Variants in LMBR1L observed in about 807,000 individuals in gnomAD.
The protein encoded by LMBR1L is protein LMBR1L.
LMBR1L carries 47 observed loss-of-function variants against 67.3 expected under a neutral mutation model. That is an observed-to-expected ratio of 0.70 (90% CI 0.55 to 0.89). The LOEUF is 0.89. Among genes scored for constraint, LMBR1L ranks in the 40% least tolerant of loss-of-function variants. The pLI, the probability that LMBR1L is intolerant of heterozygous loss-of-function variation, is 0.00. For synonymous variants in LMBR1L, 247 were observed against 250.3 expected (o/e 0.99, Z 0.13); for missense variants, 533 against 599.2 (o/e 0.89, Z 1.15).
chr12:49,097,374 G>T lies in LMBR1L; in HGVS notation c.*298C>A. The T allele has an allele frequency of 4.9e-6, 2 of 410,986 alleles. No homozygotes were observed. The allele number at this position is 410,986 out of a possible 1,614,324, so 25.5% of individuals were successfully genotyped here. ...CATCAAATCATGTAAACATGGCTAT[G>T]GGGATGGCCCAGAACAGCAGTGAGG... On this transcript the variant is annotated 3_prime_UTR_variant, in exon 17 of 17. Coordinates refer to ENST00000267102, the MANE Select transcript of LMBR1L (RefSeq NM_018113.4).
At chr12:49,105,104 C>T (rs769455049) in intron 3 of LMBR1L, 5 of 543,556 alleles carry the variant, frequency 9.2e-6, no homozygotes, top group South Asian at 4.8e-5. Context: ...GGCACAGCCT[C>T]GGGCATTCAT....
At chr12:49,102,405 C>T in intron 9 of LMBR1L, 29 bp from the exon 10 acceptor site, 1 of 1,613,892 alleles carries the variant, frequency 6.2e-7, no homozygotes, top group Non-Finnish European at 8.5e-7. Flanking sequence ...GTGTTGCTCT[C>T]AAGTCCTGCA....
rs760216305 is a variant in LMBR1L at position 49,105,936 on chromosome 12, A to T, written c.179T>A (p.Val60Asp). ...CAGGGACACTTACGCAATCTTGTTG[A>T]CGGTGGCATCTTCATCATCCACTGT... ...FTTVDDEDAT[V>D]NKIALELCTF... is the part of the protein sequence containing the mutation. Residue 60 changes from valine to aspartate, a missense_variant, in exon 3 of 17, where the codon GTC becomes GAC. This residue lies in a region of LMBR1L where 246 missense variants were observed against 249.0 expected (regional missense o/e 0.99). Coordinates refer to ENST00000267102, the MANE Select transcript of LMBR1L (RefSeq NM_018113.4). 6.2e-7 allele frequency: 1 copy of T among 1,613,068 alleles called. No individual in the cohort carries two copies. The highest frequency in any genetic ancestry group is 8.5e-7 in the Non-Finnish European group (1 of 1,179,644).
intron 1 of LMBR1L, chr12:49,109,990 C>T (rs1000815726): frequency 6.6e-6 from 3 of 456,292 alleles, no homozygotes; most frequent in Admixed American, 4.7e-5. Context: ...CTCCTTTCTT[C>T]CAAAGCAGAT....
chr12:49,104,985 C>T lies in LMBR1L; in HGVS notation c.192-100G>A, dbSNP rs1270683485. 8 of 1,301,042 alleles carry T rather than the reference C, an allele frequency of 6.1e-6. No homozygotes were observed. In the African/African-American group the frequency reaches 8.8e-5, roughly 14 times the overall value. The allele number at this position is 1,301,042 out of a possible 1,614,324, so 80.6% of individuals were successfully genotyped here. Reference sequence around the variant, plus strand: ...CTGAGGGCGCCTGTGGCTTCCAGAACCAGCTGTAGCAATCACAGAGCTAAG... The same window carrying T: ...CTGAGGGCGCCTGTGGCTTCCAGAATCAGCTGTAGCAATCACAGAGCTAAG... On this transcript the variant is annotated intron_variant, in intron 3 of 16. Coordinates refer to ENST00000267102, the MANE Select transcript of LMBR1L (RefSeq NM_018113.4).
At position 49,110,192 on chromosome 12, in the gene LMBR1L, C is replaced by G. The variant is rs1473210713; in HGVS notation, c.72+292G>C. ...GCAGACTCCGCAGGCTCTCAGACCC[C>G]GGAGACCCCCAACAGGAAGACGCGC... On this transcript the variant is annotated intron_variant, in intron 1 of 16. Coordinates refer to ENST00000267102, the MANE Select transcript of LMBR1L (RefSeq NM_018113.4). The G allele has an allele frequency of 7.9e-6, 4 of 509,276 alleles. No homozygotes were observed. The South Asian group carries it at 8.2e-5, about 10-fold the overall frequency. 31.5% of individuals were successfully genotyped at this position (509,276 alleles called of 1,614,324 possible).
At chr12:49,103,885 C>A in intron 5 of LMBR1L, 72 bp from the exon 6 acceptor site, 1 of 1,476,370 alleles carries the variant, frequency 6.8e-7, no homozygotes, top group Non-Finnish European at 9.1e-7. Flanking sequence ...TGGCAGGCAG[C>A]CTGCAGGAAC....
At chr12:49,110,352 C>T in intron 1 of LMBR1L, 132 bp downstream of exon 1, 1 of 817,890 alleles carries the variant, frequency 1.2e-6, no homozygotes, top group Non-Finnish European at 2.1e-6. Flanking sequence ...CCCTTCTGCC[C>T]GGACGGAGGC....
At chr12:49,108,004 C>T (rs1201100279) in intron 1 of LMBR1L, among the ~76,000 whole-genome samples, 1 of 152,186 alleles carries the variant, frequency 6.6e-6, no homozygotes, top group Non-Finnish European at 1.5e-5. Context: ...GAGGCTCACG[C>T]CTGTAATCTC....
Position 49,103,670 on chromosome 12 carries a change from G to A in LMBR1L, c.562+17C>T. 1 of 1,605,060 alleles carries A rather than the reference G, an allele frequency of 6.2e-7. No individual in the cohort carries two copies. Among genetic ancestry groups the A allele is most frequent in the Non-Finnish European group, 8.5e-7 (1 of 1,175,462 alleles). Reference sequence around the variant, plus strand: ...AACTGAAAAGCCATGCAGCCTGGAGGAAGCTGGGCCGCTCACCATAGAGTG... The same window carrying A: ...AACTGAAAAGCCATGCAGCCTGGAGAAAGCTGGGCCGCTCACCATAGAGTG... On this transcript the variant is annotated intron_variant, in intron 6 of 16. Transcript: ENST00000267102.
Position 49,097,521 on chromosome 12 carries a change from G to C in LMBR1L, c.*151C>G. 2.7e-6 allele frequency: 2 copies of C among 745,156 alleles called. No individual in the cohort carries two copies. Among genetic ancestry groups the C allele is most frequent in the Non-Finnish European group, 4.6e-6 (2 of 438,528 alleles). 46.2% of individuals were successfully genotyped at this position (745,156 alleles called of 1,614,324 possible). A position where few individuals can be genotyped will look rare whatever the true frequency, so the allele number is the denominator to read the frequency against. On this transcript the variant is annotated 3_prime_UTR_variant, in exon 17 of 17. Transcript: ENST00000267102. ...GGTCCTGGTCCCAAACTCTGGCTCA[G>C]ATTATGCAATAGTGCAGATGGCTCT...
intron 1 of LMBR1L, chr12:49,110,272 A>C: frequency 1.7e-6 from 1 of 596,960 alleles, no homozygotes; most frequent in Non-Finnish European, 3.0e-6. Flanking sequence ...GAGGAACGGA[A>C]ACGACGGCCT....
rs770073769 is a variant in LMBR1L at position 49,097,302 on chromosome 12, C to A, written c.*370G>T. 10 of 232,144 alleles carry A rather than the reference C, an allele frequency of 4.3e-5. No individual in the cohort carries two copies. The highest frequency in any genetic ancestry group is 1.4e-4 in the South Asian group (2 of 14,200). The allele number at this position is 232,144 out of a possible 1,614,324, so 14.4% of individuals were successfully genotyped here. A position where few individuals can be genotyped will look rare whatever the true frequency, so the allele number is the denominator to read the frequency against. ...CAAGGGAGACAATCTATCTCCCGAG[C>A]CTGCCCTGGCCCAGTCCTTTCCCTG... On this transcript the variant is annotated 3_prime_UTR_variant, in exon 17 of 17. Coordinates refer to ENST00000267102, the MANE Select transcript of LMBR1L (RefSeq NM_018113.4).
In LMBR1L at chr12:49,097,973, G is replaced by A; in HGVS notation, c.1373C>T (p.Ala458Val). 6.2e-7 allele frequency: 1 copy of A among 1,613,864 alleles called. No homozygotes were observed. Among genetic ancestry groups the A allele is most frequent in the Non-Finnish European group, 8.5e-7 (1 of 1,179,752 alleles). The change falls in exon 16 of 17, where the codon GCT (alanine) becomes GTT (valine). Residue 458 changes from alanine (A) to valine (V), a missense_variant. By Grantham distance (64) the Ala-to-Val change is moderately conservative (BLOSUM62 0). Around this residue, in one of 3 missense-constraint regions of LMBR1L, gnomAD observed 223 missense variants for 241.2 expected, o/e 0.92. Transcript: ENST00000267102. Reference protein sequence around the residue: ...TLCLVKTFTAAVRAELIRAFG... With the variant: ...TLCLVKTFTAVVRAELIRAFG... ...GGCCCGGATCAGCTCTGCCCGCACA[G>A]CTGCAGTGAAGGTCTTCACCAGACA... is the stretch of plus-strand genomic sequence containing the variant.
At chr12:49,102,978 C>A in intron 7 of LMBR1L, 27 bp from the exon 8 acceptor site, 8 of 1,612,182 alleles carry the variant, frequency 5.0e-6, no homozygotes, top group Non-Finnish European at 6.8e-6. Context: ...CAGTCACTTG[C>A]CAGACCCTGC....
In LMBR1L at chr12:49,101,528, C is replaced by T. The variant is rs1225573831; in HGVS notation, c.952G>A (p.Ala318Thr). 6.2e-7 allele frequency: 1 copy of T among 1,613,620 alleles called. No individual in the cohort carries two copies. Among genetic ancestry groups the T allele is most frequent in the Admixed American group, 1.7e-5 (1 of 59,968 alleles). The change falls in exon 12 of 17, where the codon GCC becomes ACC. Residue 318 changes from alanine (A) to threonine (T), a missense_variant. Physicochemically the swap from Ala to Thr is moderately conservative, Grantham distance 58. Coordinates refer to ENST00000267102, the MANE Select transcript of LMBR1L (RefSeq NM_018113.4). ...ATGAGCAGCTCCAGGATGTGGATGG[C>T]CACAATGAGCACAGACAGGCCCTGT... ...VLTGLSVLIV[A>T]IHILELLIDE...
chr12:49,108,210 C>G (rs1456361006), intron 1 of LMBR1L, among the ~76,000 whole-genome samples: 2 of 152,070 alleles, frequency 1.3e-5, no homozygotes, highest in East Asian at 3.9e-4. Flanking sequence ...TTGCAGTGAG[C>G]TGTGATGGCG....
At chr12:49,101,976 A>C in intron 11 of LMBR1L, 144 bp downstream of exon 11, 1 of 676,766 alleles carries the variant, frequency 1.5e-6, no homozygotes, top group Non-Finnish European at 2.6e-6. Context: ...TGTGCTCACC[A>C]CAGGCAGGAC....
chr12:49,097,875 T>C lies in LMBR1L; in HGVS notation c.1402+69A>G, dbSNP rs946187690. 6.3e-6 allele frequency: 10 copies of C among 1,588,438 alleles called. No individual in the cohort carries two copies. The Admixed American group carries it at 1.7e-4, about 27-fold the overall frequency. On this transcript the variant is annotated intron_variant, in intron 16 of 16. Coordinates refer to ENST00000267102, the MANE Select transcript of LMBR1L (RefSeq NM_018113.4). ...AAGCACACCCTCTCCCCTGCTGGGG[T>C]GATCCATGTTCCAGAGTGTCCTAGA...
Sources: allele counts gnomAD v4.1 joint callset (sites outside exome capture counted in the v4.1 genomes callset), GRCh38; gene constraint gnomAD v4.1.1; regional missense constraint gnomAD v4.1.1; transcripts MANE v1.5; gene names NCBI Gene and HGNC (gene_info 2026-07-23, HGNC 2026-07-21).